SVIL: variants seen among roughly 807,000 people sequenced by gnomAD.
SVIL encodes the protein supervillin, also known as archvillin.
Under a neutral mutation model 240.4 loss-of-function variants are expected in SVIL, and 101 were observed. The ratio of observed to expected loss-of-function variants is 0.42; its 90% CI spans 0.36 to 0.50. SVIL has a LOEUF of 0.50. Ranked by LOEUF, SVIL falls within the 20% of genes least tolerant of loss-of-function variation. The pLI is 0.01. For synonymous variants in SVIL, 999 were observed against 1,100.0 expected (o/e 0.91, Z 1.82); for missense variants, 2,512 against 2,818.7 (o/e 0.89, Z 2.46).
intron 7 of SVIL, 86 bp from the exon 8 acceptor site, chr10:29,533,544 G>A (rs1409516657): frequency 1.3e-6 from 2 of 1,486,110 alleles, no homozygotes; most frequent in Non-Finnish European, 1.8e-6. Context: ...GATTACCAGT[G>A]AATGGAAACT....
intron 2 of SVIL, among the ~76,000 whole-genome samples, chr10:29,675,858 G>C (rs1255413144): frequency 6.6e-6 from 1 of 152,098 alleles, no homozygotes; most frequent in Non-Finnish European, 1.5e-5. Flanking sequence ...GGTTTCTTTT[G>C]AATAAACATA....
chr10:29,716,329 A>G (rs931862293), intron 1 of SVIL, among the ~76,000 whole-genome samples: 3 of 152,324 alleles, frequency 2.0e-5, no homozygotes, highest in African/African-American at 7.2e-5. Context: ...CAATTTTTCT[A>G]ATTTATCACT....
At chr10:29,471,284 G>A (rs1464308461) in intron 30 of SVIL, 41 bp from the exon 31 acceptor site, 2 of 1,485,620 alleles carry the variant, frequency 1.3e-6, no homozygotes, top group Admixed American at 2.1e-5. Flanking sequence ...GGGGCGCGGG[G>A]CTTTCAAAGT....
intron 3 of SVIL, among the ~76,000 whole-genome samples, chr10:29,652,683 C>T (rs1454993150): frequency 2.0e-5 from 3 of 152,108 alleles, no homozygotes; most frequent in East Asian, 1.9e-4. Context: ...TTTGGAAACA[C>T]GGGCATTCCA....
chr10:29,649,250 TATC>T (rs1958763017), intron 3 of SVIL, among the ~76,000 whole-genome samples: 3 of 152,216 alleles, frequency 2.0e-5, no homozygotes, highest in Admixed American at 2.0e-4. Context: ...ACACTACTAA[TATC>T]ATCTTCTCAG....
At chr10:29,618,668 C>G (rs1957515356) in intron 1 of SVIL, among the ~76,000 whole-genome samples, 1 of 152,168 alleles carries the variant, frequency 6.6e-6, no homozygotes. Context: ...AGGCTCTGCC[C>G]CAAACCCTGG....
chr10:29,722,639 G>T (rs1304863578), intron 1 of SVIL, among the ~76,000 whole-genome samples: 2 of 152,194 alleles, frequency 1.3e-5, no homozygotes, highest in Non-Finnish European at 2.9e-5. Context: ...GTTGGGTACA[G>T]ATTTATTTGT....
intron 1 of SVIL, among the ~76,000 whole-genome samples, chr10:29,571,326 A>T (rs1295946344): frequency 6.6e-6 from 1 of 152,222 alleles, no homozygotes; most frequent in East Asian, 1.9e-4. Flanking sequence ...GCCATGGAGC[A>T]TCCCAGCATT....
intron 1 of SVIL, among the ~76,000 whole-genome samples, chr10:29,617,062 C>T (rs1957451872): frequency 1.3e-5 from 2 of 152,132 alleles, no homozygotes; most frequent in South Asian, 4.1e-4. Context: ...GATGAGTCTG[C>T]ACAAACAAAC....
At position 29,665,795 on chromosome 10, in the gene SVIL, A is replaced by AAAAC. The variant is rs72253455; in HGVS notation, c.-300-7731_-300-7728dup. Among the ~76,000 whole-genome samples, 988 of 151,544 alleles carry AAAAC rather than the reference A, an allele frequency of 6.5e-3. 6 individuals carry two copies. The highest frequency in any genetic ancestry group is 0.012 in the African/African-American group (513 of 41,108). Reference sequence around the variant, plus strand: ...GACAACAGAGTGAGACTCCATCTCAAAAACAAACAAACAAACAAACAAACA... The same window carrying AAAAC: ...GACAACAGAGTGAGACTCCATCTCAAAAACAAACAAACAAACAAACAAACAAACA... On this transcript the variant is annotated intron_variant, in intron 2 of 35. Coordinates refer to the SVIL transcript ENST00000375400.
chr10:29,515,317 C>T (rs1039479984), intron 16 of SVIL, among the ~76,000 whole-genome samples: 1 of 152,240 alleles, frequency 6.6e-6, no homozygotes, highest in African/African-American at 2.4e-5. Flanking sequence ...CTCTAATCCG[C>T]ACCATTTCAT....
intron 1 of SVIL, among the ~76,000 whole-genome samples, chr10:29,601,480 A>C (rs11007665): frequency 0.028 from 4,286 of 152,318 alleles, 195 homozygotes; most frequent in African/African-American, 0.097. Context: ...TTTTGTCCCC[A>C]GTTCTAGGAG....
rs555333856 is a variant in SVIL, at chr10:29,735,390, G to C, written c.-400+361C>G. Reference sequence around the variant, plus strand: ...CTCCCCGCCATGCTCTCAGCGTAACGGGCAGCCGCGCTAACTTCCCGAAAC... The same window carrying C: ...CTCCCCGCCATGCTCTCAGCGTAACCGGCAGCCGCGCTAACTTCCCGAAAC... On this transcript the variant is annotated intron_variant, in intron 1 of 35. Coordinates refer to the SVIL transcript ENST00000375400. This position sits in a 1 kb window ranked among gnomAD's most constrained non-coding sequence, Gnocchi z 4.1. Among the ~76,000 whole-genome samples the C allele has an allele frequency of 2.6e-5, 4 of 152,064 alleles. No individual in the cohort carries two copies. The highest frequency in any genetic ancestry group is 7.2e-5 in the African/African-American group (3 of 41,504).
Position 29,493,099 on chromosome 10 carries a change from G to T in SVIL, c.4019+115C>A, listed in dbSNP as rs4749438. The T allele has an allele frequency of 0.16, 195,796 of 1,249,116 alleles. 16,650 individuals are homozygous for T. The highest frequency in any genetic ancestry group is 0.32 in the East Asian group (12,436 of 39,362). The allele number at this position is 1,249,116 out of a possible 1,614,324, so 77.4% of individuals were successfully genotyped here. ...GGCTCTAGAATACTAACGCCGCCGTGATGGAGTTAGAAGGAGAAGGAGGCC... is the reference window on the plus strand; with the variant it reads ...GGCTCTAGAATACTAACGCCGCCGTTATGGAGTTAGAAGGAGAAGGAGGCC... On this transcript the variant is annotated intron_variant, in intron 21 of 37. Transcript: ENST00000355867.
In SVIL at chr10:29,554,863, G is replaced by C. The variant is rs774010235; in HGVS notation, c.80C>G (p.Thr27Arg). 1 of 1,613,938 alleles carries C rather than the reference G, an allele frequency of 6.2e-7. No individual in the cohort carries two copies. The highest frequency in any genetic ancestry group is 1.3e-5 in the African/African-American group (1 of 75,028). The change falls in exon 5 of 38, where the codon ACA becomes AGA. Residue 27 changes from threonine to arginine, a missense_variant. Thr to Arg is a moderately conservative substitution (Grantham distance 71). Coordinates refer to ENST00000355867, the MANE Select transcript of SVIL (RefSeq NM_021738.3). ...DTQPILLQSC[T>R]GLVTHRLLEE... The stretch of plus-strand genomic sequence containing the variant: ...CAGCAGGCGGTGAGTCACCAATCCT[G>C]TGCAGCTCTGCAAGAGGATGGGCTG...
intron 2 of SVIL, among the ~76,000 whole-genome samples, chr10:29,674,012 T>G (rs1960010244): frequency 6.6e-6 from 1 of 152,150 alleles, no homozygotes; most frequent in Non-Finnish European, 1.5e-5. Flanking sequence ...CAATTTAACA[T>G]TTACAATTTA....
At chr10:29,620,992 T>C (rs1268998909) in intron 1 of SVIL, among the ~76,000 whole-genome samples, 2 of 150,810 alleles carry the variant, frequency 1.3e-5, no homozygotes, top group Non-Finnish European at 3.0e-5. Flanking sequence ...TTTGTAGATA[T>C]GGCGTCTCAC....
chr10:29,467,514 C>T (rs957355960), intron 33 of SVIL, among the ~76,000 whole-genome samples: 2 of 152,108 alleles, frequency 1.3e-5, no homozygotes, highest in East Asian at 3.9e-4. Context: ...ATACTCATCA[C>T]ACTAGATTTA....
chr10:29,544,285 C>T (rs566780103), intron 6 of SVIL, among the ~76,000 whole-genome samples: 2 of 152,096 alleles, frequency 1.3e-5, no homozygotes, highest in Non-Finnish European at 2.9e-5. Flanking sequence ...TGCTAAAAGT[C>T]GCTTGTTTGG....
Sources: gnomAD v4.1 joint callset for allele counts (sites outside exome capture counted in the v4.1 genomes callset) on GRCh38, gnomAD v4.1.1 for gene constraint, Gnocchi (gnomAD v3.1) non-coding constraint, MANE v1.5 for transcripts, NCBI Gene and HGNC (gene_info 2026-07-23, HGNC 2026-07-21) for gene names.